SRPX: variants seen among roughly 807,000 people sequenced by gnomAD.
The protein encoded by SRPX is sushi repeat-containing protein SRPX.
Under a neutral mutation model 38.1 loss-of-function variants are expected in SRPX, and 24 were observed. The ratio of observed to expected loss-of-function variants is 0.63; its 90% confidence interval spans 0.46 to 0.89. The LOEUF (loss-of-function observed/expected upper bound fraction) is 0.89, where lower values mean the gene tolerates loss of function less well. Among genes scored for constraint, SRPX ranks in the 40% least tolerant of loss-of-function variants. The pLI is 0.00. For synonymous variants in SRPX, 184 were observed against 153.8 expected (o/e 1.20, Z -1.45); for missense variants, 416 against 377.8 (o/e 1.10, Z -0.84).
At chrX:38,212,539 G>A (rs970809466) in intron 1 of SRPX, among the ~76,000 whole-genome samples, 1 of 111,803 alleles carries the variant, frequency 8.9e-6, no homozygotes, top group Admixed American at 9.5e-5. Context: ...TGCTGATTCA[G>A]TAGGTCTTGG....
intron 1 of SRPX, among the ~76,000 whole-genome samples, chrX:38,185,195 A>C (rs758003876): frequency 8.9e-6 from 1 of 112,090 alleles, no homozygotes; most frequent in South Asian, 3.7e-4. Flanking sequence ...AAAGAGAAAA[A>C]TCTGCCTTAA....
intron 1 of SRPX, among the ~76,000 whole-genome samples, chrX:38,215,558 T>C (rs1454785549): frequency 8.9e-6 from 1 of 112,589 alleles, no homozygotes; most frequent in African/African-American, 3.2e-5. Flanking sequence ...CCCTGATTCG[T>C]TGCCTGTCCA....
intron 1 of SRPX, among the ~76,000 whole-genome samples, chrX:38,213,022 A>G (rs1369351394): frequency 8.9e-6 from 1 of 112,759 alleles, no homozygotes; most frequent in Non-Finnish European, 1.9e-5. Context: ...GCCAGCATTG[A>G]GAGGTGGCCA....
At chrX:38,214,649 G>A (rs1161019702) in intron 1 of SRPX, among the ~76,000 whole-genome samples, 3 of 112,037 alleles carry the variant, frequency 2.7e-5, no homozygotes, top group Non-Finnish European at 5.6e-5. Flanking sequence ...GAAAGGAATT[G>A]GAGCCTTGAT....
At chrX:38,173,141 C>A (rs750070934) in intron 3 of SRPX, among the ~76,000 whole-genome samples, 1 of 112,375 alleles carries the variant, frequency 8.9e-6, no homozygotes, top group African/African-American at 3.2e-5. Flanking sequence ...ATGAAGTTAA[C>A]ATAATGGCAC....
Position 38,171,902 on chromosome X carries a change from C to T in SRPX, c.505G>A (p.Gly169Ser), listed in dbSNP as rs766317860. The part of the protein sequence containing the change: ...VTCMDNKAWS[G>S]RPASCVDMEP... ...TTACCCACACAGGAGGCTGGCCGGC[C>T]GCTCCAGGCCTTGTTGTCCATACAT... Residue 169 changes from glycine to serine, a missense_variant, in exon 4 of 10, where the codon GGC becomes AGC. By Grantham distance (56) the Gly-to-Ser change is moderately conservative. Transcript: ENST00000378533. The T allele has an allele frequency of 1.5e-5, 18 of 1,211,530 alleles. No individual in the cohort carries two copies. The South Asian group carries it at 2.3e-4, about 15-fold the overall frequency.
chrX:38,164,981 A>T (rs1156665633), intron 4 of SRPX, 86 bp from the exon 5 acceptor site: 1 of 863,976 alleles, frequency 1.2e-6, no homozygotes, highest in Non-Finnish European at 1.6e-6. Flanking sequence ...AAAATACCAA[A>T]GCCTCTGGGT....
At chrX:38,175,035 G>C (rs1456500383) in intron 2 of SRPX, among the ~76,000 whole-genome samples, 3 of 112,153 alleles carry the variant, frequency 2.7e-5, no homozygotes, top group Admixed American at 1.9e-4. Context: ...AAAGTTGCAG[G>C]TGTTTTGATT....
intron 1 of SRPX, among the ~76,000 whole-genome samples, chrX:38,183,915 C>A (rs1938719312): frequency 9.0e-6 from 1 of 111,356 alleles, no homozygotes; most frequent in African/African-American, 3.3e-5. Flanking sequence ...GCTCTCCTTG[C>A]AAAAACTTTC....
chrX:38,160,762 T>C (rs779053113), intron 6 of SRPX, among the ~76,000 whole-genome samples, 171 bp downstream of exon 6: 1 of 111,586 alleles, frequency 9.0e-6, no homozygotes, highest in South Asian at 3.9e-4. Flanking sequence ...ATGTGTATCG[T>C]GAAATTCAGG....
rs746292104 is a variant in SRPX at position 38,160,221 on chromosome X, G to T, written c.776-25C>A. 8.4e-6 allele frequency: 10 copies of T among 1,196,635 alleles called. No individual in the cohort carries two copies. The South Asian group carries it at 1.4e-4, about 17-fold the overall frequency. Reference sequence around the variant, plus strand: ...ACTGTAGGGACACAAGTCCAGAGGGGTCTCAGTGCTGAGCTCCCATCCACA... The same window carrying T: ...ACTGTAGGGACACAAGTCCAGAGGGTTCTCAGTGCTGAGCTCCCATCCACA... On this transcript the variant is annotated intron_variant, in intron 6 of 9. Coordinates refer to ENST00000378533, the MANE Select transcript of SRPX (RefSeq NM_006307.5).
chrX:38,210,436 A>T (rs1433937855), intron 1 of SRPX, among the ~76,000 whole-genome samples: 2 of 112,260 alleles, frequency 1.8e-5, no homozygotes, highest in Non-Finnish European at 3.8e-5. Flanking sequence ...TGCTTCCCAT[A>T]TACCATTTCT....
chrX:38,198,576 A>C (rs965448259), intron 1 of SRPX, among the ~76,000 whole-genome samples: 7 of 112,109 alleles, frequency 6.2e-5, no homozygotes, highest in Non-Finnish European at 1.1e-4. Flanking sequence ...GGTGGGGGCT[A>C]AGATCACTGC....
At position 38,218,498 on chromosome X, in the gene SRPX, C is replaced by T. The variant is rs779425372; in HGVS notation, c.97+2198G>A. 3.6e-5 allele frequency among the ~76,000 whole-genome samples: 4 copies of T among 112,063 alleles called. No homozygotes were observed. The South Asian group carries it at 1.5e-3, about 42-fold the overall frequency. The stretch of plus-strand genomic sequence containing the variant: ...ATTAAATTCTAAGATGGAAGAACTC[C>T]AGAGACCTTCTAGGAGTGGGAATGA... On this transcript the variant is annotated intron_variant, in intron 1 of 9. Transcript: ENST00000378533.
At chrX:38,153,727 C>G (rs770241805) in intron 9 of SRPX, among the ~76,000 whole-genome samples, 1 of 111,430 alleles carries the variant, frequency 9.0e-6, no homozygotes, top group African/African-American at 3.3e-5. Context: ...TTTGCAGAAG[C>G]CTGAAAGCCA....
intron 1 of SRPX, among the ~76,000 whole-genome samples, chrX:38,187,816 G>A (rs928210277): frequency 1.8e-5 from 2 of 112,039 alleles, no homozygotes; most frequent in African/African-American, 6.5e-5. Flanking sequence ...TTCTCTTCTG[G>A]AAAGTCCTAA....
At chrX:38,216,163 C>G (rs1408031762) in intron 1 of SRPX, among the ~76,000 whole-genome samples, 3 of 111,927 alleles carry the variant, frequency 2.7e-5, no homozygotes, top group African/African-American at 9.7e-5. Flanking sequence ...CATCTCCGCA[C>G]CAGCAAGTCT....
rs142435497 is a variant in SRPX, at chrX:38,217,370, G to T, written c.97+3326C>A. On this transcript the variant is annotated intron_variant, in intron 1 of 9. Coordinates refer to ENST00000378533, the MANE Select transcript of SRPX (RefSeq NM_006307.5). ...AAGAAAAGGTCTCATCAAAGTGGGG[G>T]TGTTGCTGGATGATGGGCAGAATTT... is the stretch of plus-strand genomic sequence containing the variant. Among the ~76,000 whole-genome samples the T allele has an allele frequency of 9.3e-3, 1,042 of 112,041 alleles. 34 individuals are homozygous for T. Among genetic ancestry groups the T allele is most frequent in the Admixed American group, 0.083 (880 of 10,549 alleles).
intron 1 of SRPX, among the ~76,000 whole-genome samples, chrX:38,202,437 G>T (rs1348075447): frequency 9.0e-6 from 1 of 111,043 alleles, no homozygotes; most frequent in Non-Finnish European, 1.9e-5. Flanking sequence ...AAAGGAAAAG[G>T]CCTCAAAACA....
Sources: allele counts gnomAD v4.1 joint callset (sites outside exome capture counted in the v4.1 genomes callset), GRCh38; gene constraint gnomAD v4.1.1; transcripts MANE v1.5; gene names NCBI Gene and HGNC (gene_info 2026-07-23, HGNC 2026-07-21).